NECAB1: variants seen among roughly 807,000 people sequenced by gnomAD.
NECAB1 encodes N-terminal EF-hand calcium binding protein 1.
In NECAB1, 29 loss-of-function variants were observed where a neutral mutation model predicts 57.5. The ratio of observed to expected loss-of-function variants is 0.50; its 90% CI spans 0.38 to 0.69. The LOEUF is 0.69. Among genes scored for constraint, NECAB1 ranks in the 30% least tolerant of loss-of-function variants. The pLI is 0.00. For synonymous variants in NECAB1, 142 were observed against 147.7 expected (o/e 0.96, Z 0.28); for missense variants, 372 against 413.8 (o/e 0.90, Z 0.88).
intron 10 of NECAB1, among the ~76,000 whole-genome samples, chr8:90,949,146 TTGTGTGTGTGTGTGTGTG>T (rs59311652): frequency 2.8e-4 from 36 of 129,966 alleles, no homozygotes; most frequent in East Asian, 1.5e-3. Flanking sequence ...AACAGGCACT[TTGTGTGTGTGTGTGTGTG>T]TGTGTGTGTG....
At chr8:90,853,252 A>C (rs1001447494) in intron 3 of NECAB1, among the ~76,000 whole-genome samples, 1 of 152,176 alleles carries the variant, frequency 6.6e-6, no homozygotes, top group Non-Finnish European at 1.5e-5. Flanking sequence ...TGGTTCCAGC[A>C]CTCGTGGACT....
At chr8:90,827,394 C>A (rs56145575) in intron 3 of NECAB1, among the ~76,000 whole-genome samples, 2,630 of 152,064 alleles carry the variant, frequency 0.017, 71 homozygotes, top group African/African-American at 0.059. Flanking sequence ...GCTGCTGAGG[C>A]CCCTGTGGCT....
rs114891453 is a variant in NECAB1, at chr8:90,798,887, T to C, written c.100-2804T>C. Among the ~76,000 whole-genome samples, 1,042 of 152,294 alleles carry C rather than the reference T, an allele frequency of 6.8e-3. 12 individuals carry two copies. Among genetic ancestry groups the C allele is most frequent in the African/African-American group, 0.024 (988 of 41,564 alleles). ...TGAGAAATCTCCAAACTGCTTTCCA[T>C]AGGCTAGACTAATTTACATCCCCAC... On this transcript the variant is annotated intron_variant, in intron 1 of 12. Coordinates refer to ENST00000417640, the MANE Select transcript of NECAB1 (RefSeq NM_022351.5).
intron 2 of NECAB1, among the ~76,000 whole-genome samples, chr8:90,821,893 A>G (rs1812149639): frequency 6.6e-6 from 1 of 151,826 alleles, no homozygotes; most frequent in Non-Finnish European, 1.5e-5. Context: ...AAAACGTGTT[A>G]AAAACTAAAG....
At chr8:90,936,138 ACT>A (rs1351294672) in intron 9 of NECAB1, among the ~76,000 whole-genome samples, 1 of 152,102 alleles carries the variant, frequency 6.6e-6, no homozygotes, top group African/African-American at 2.4e-5. Context: ...ATCATTTTTC[ACT>A]GTTATTTCAT....
intron 9 of NECAB1, among the ~76,000 whole-genome samples, chr8:90,934,621 G>C (rs936174992): frequency 6.6e-6 from 1 of 152,098 alleles, no homozygotes; most frequent in African/African-American, 2.4e-5. Flanking sequence ...TTGAATAATT[G>C]AAGGAATATG....
At chr8:90,906,889 A>ATATATATATATATATGTATATATATATG (rs1563528252) in intron 5 of NECAB1, among the ~76,000 whole-genome samples, 4,325 of 72,782 alleles carry the variant, frequency 0.059, 449 homozygotes, top group African/African-American at 0.23. Flanking sequence ...ATATATATAT[A>ATATATATATATATATGTATATATATATG]TATATATATA....
At chr8:90,848,848 T>C (rs1301001242) in intron 3 of NECAB1, among the ~76,000 whole-genome samples, 2 of 151,892 alleles carry the variant, frequency 1.3e-5, no homozygotes, top group African/African-American at 2.4e-5. Context: ...ATAAGCTGGG[T>C]GTGGTGGCAG....
intron 12 of NECAB1, among the ~76,000 whole-genome samples, chr8:90,954,615 C>T (rs1387656573): frequency 6.6e-6 from 1 of 151,910 alleles, no homozygotes; most frequent in Non-Finnish European, 1.5e-5. Flanking sequence ...TACATCTTTG[C>T]CATTGGTTTG....
intron 2 of NECAB1, among the ~76,000 whole-genome samples, chr8:90,806,066 C>T (rs914052172): frequency 6.6e-6 from 1 of 152,160 alleles, no homozygotes; most frequent in African/African-American, 2.4e-5. Flanking sequence ...GCAAGAATAG[C>T]TTTGAAATCT....
chr8:90,842,294 TC>T (rs1377648347), intron 3 of NECAB1, among the ~76,000 whole-genome samples: 1 of 152,202 alleles, frequency 6.6e-6, no homozygotes, highest in East Asian at 1.9e-4. Context: ...ACCTCAAAGG[TC>T]AACTTTCATC....
At chr8:90,951,343 G>C in intron 12 of NECAB1, 139 bp downstream of exon 12, 1 of 538,758 alleles carries the variant, frequency 1.9e-6, no homozygotes, top group Non-Finnish European at 3.2e-6. Context: ...TTTATGATTT[G>C]AGATTGGGGG....
intron 3 of NECAB1, among the ~76,000 whole-genome samples, chr8:90,836,491 T>C (rs1399977964): frequency 2.6e-4 from 40 of 152,220 alleles, no homozygotes; most frequent in Admixed American, 2.6e-3. Context: ...AGATTAAAAA[T>C]GGTAGTTTAG....
chr8:90,848,652 C>A (rs2129767897), intron 3 of NECAB1, among the ~76,000 whole-genome samples: 1 of 152,318 alleles, frequency 6.6e-6, no homozygotes, highest in African/African-American at 2.4e-5. Context: ...TACATGGTAG[C>A]AGGCAAGACA....
At chr8:90,894,287 A>G (rs1241530146) in intron 5 of NECAB1, among the ~76,000 whole-genome samples, 2 of 152,142 alleles carry the variant, frequency 1.3e-5, no homozygotes, top group Non-Finnish European at 2.9e-5. Context: ...GAATAAAACT[A>G]TTTTCACTTC....
chr8:90,878,101 A>G (rs905660190), intron 4 of NECAB1, among the ~76,000 whole-genome samples: 1 of 151,798 alleles, frequency 6.6e-6, no homozygotes, highest in African/African-American at 2.4e-5. Flanking sequence ...CAGTGGCACA[A>G]TTTCGGCTCA....
chr8:90,886,468 G>A (rs1176979351), intron 5 of NECAB1, among the ~76,000 whole-genome samples: 1 of 152,040 alleles, frequency 6.6e-6, no homozygotes, highest in African/African-American at 2.4e-5. Flanking sequence ...CTTAATTCTT[G>A]TATACTTAGA....
At chr8:90,873,879 A>G (rs570381355) in intron 4 of NECAB1, among the ~76,000 whole-genome samples, 1 of 108,886 alleles carries the variant, frequency 9.2e-6, no homozygotes, top group African/African-American at 7.6e-5. Flanking sequence ...CCTTTTTTCT[A>G]TAATGGAACT....
intron 2 of NECAB1, among the ~76,000 whole-genome samples, chr8:90,819,609 A>G (rs1037527797): frequency 3.3e-5 from 5 of 151,890 alleles, no homozygotes; most frequent in Non-Finnish European, 7.4e-5. Context: ...TCATTCACCA[A>G]TATCATACAG....
Sources: allele counts gnomAD v4.1 joint callset (sites outside exome capture counted in the v4.1 genomes callset), GRCh38; gene constraint gnomAD v4.1.1; transcripts MANE v1.5; gene names NCBI Gene and HGNC (gene_info 2026-07-23, HGNC 2026-07-21).